The following UTRN variants were observed in gnomAD, a reference collection of about 807,000 sequenced individuals.
UTRN encodes dystrophin-related protein 1.
UTRN carries 283 observed loss-of-function variants against 463.9 expected under a neutral mutation model. That is an observed-to-expected ratio of 0.61 (90% CI 0.55 to 0.67). The LOEUF (loss-of-function observed/expected upper bound fraction) is 0.67, where lower values mean the gene tolerates loss of function less well. Ranked by LOEUF, UTRN falls within the 30% of genes least tolerant of loss-of-function variation. UTRN has a pLI of 0.00. For missense variants in UTRN, 3,922 were observed against 4,084.3 expected (o/e 0.96, Z 1.08); for synonymous variants, 1,442 against 1,431.5 (o/e 1.01, Z -0.17).
intron 2 of UTRN, among the ~76,000 whole-genome samples, chr6:144,310,078 T>C (rs1806109020): frequency 6.6e-6 from 1 of 152,240 alleles, no homozygotes; most frequent in Non-Finnish European, 1.5e-5. Flanking sequence ...CTTTTTCCAC[T>C]AGAATGCAGG....
At chr6:144,561,362 CTGTG>C (rs148436370) in intron 50 of UTRN, among the ~76,000 whole-genome samples, 1 of 149,200 alleles carries the variant, frequency 6.7e-6, no homozygotes, top group African/African-American at 2.5e-5. Context: ...ACACATATAA[CTGTG>C]TGTATAGACG....
chr6:144,781,047 G>A (rs1365170302), intron 60 of UTRN, among the ~76,000 whole-genome samples: 3 of 151,848 alleles, frequency 2.0e-5, no homozygotes, highest in African/African-American at 7.3e-5. Context: ...CCTCCTTTTA[G>A]TAAAGCCATC....
rs35217202 is a variant in UTRN at position 144,316,831 on chromosome 6, G to GTCTC, written c.79+24925_79+24926insCTCT. The stretch of plus-strand genomic sequence containing the variant: ...TGCTTGTTATTAGTTAGGACTTAGA[G>GTCTC]TAAGTTTTTTATCATATTTAAAAAA... On this transcript the variant is annotated intron_variant, in intron 2 of 74. Coordinates refer to ENST00000367545, the MANE Select transcript of UTRN (RefSeq NM_007124.3). 8.3e-3 allele frequency among the ~76,000 whole-genome samples: 1,263 copies of GTCTC among 152,280 alleles called. 73 individuals carry two copies. The East Asian group carries it at 0.16, about 19-fold the overall frequency.
At chr6:144,601,817 G>A (rs1317141135) in intron 51 of UTRN, among the ~76,000 whole-genome samples, 1 of 152,082 alleles carries the variant, frequency 6.6e-6, no homozygotes, top group Non-Finnish European at 1.5e-5. Context: ...GGAAGAATCA[G>A]TGAATGGAGC....
intron 23 of UTRN, among the ~76,000 whole-genome samples, chr6:144,464,838 T>C (rs949850652): frequency 1.3e-5 from 2 of 152,200 alleles, no homozygotes; most frequent in Non-Finnish European, 2.9e-5. Flanking sequence ...CGTTGTGTAT[T>C]ATGAGTTGCA....
At chr6:144,538,019 C>T (rs750172273) in intron 44 of UTRN, among the ~76,000 whole-genome samples, 1 of 152,008 alleles carries the variant, frequency 6.6e-6, no homozygotes, top group Non-Finnish European at 1.5e-5. Context: ...TATGAAATAT[C>T]GTTTTTTGTT....
At chr6:144,439,486 TTTTC>T (rs1554254834) in intron 12 of UTRN, among the ~76,000 whole-genome samples, 7 of 150,706 alleles carry the variant, frequency 4.6e-5, no homozygotes, top group East Asian at 1.9e-4. Flanking sequence ...TTTAAATAAA[TTTTC>T]TTTCTTTCTT....
chr6:144,763,904 A>G (rs1300646836), intron 58 of UTRN, among the ~76,000 whole-genome samples: 1 of 152,162 alleles, frequency 6.6e-6, no homozygotes, highest in Non-Finnish European at 1.5e-5. Flanking sequence ...TTTCGTGAAG[A>G]TGAGGGATGG....
At chr6:144,364,340 C>T (rs1779328240) in intron 2 of UTRN, among the ~76,000 whole-genome samples, 1 of 152,156 alleles carries the variant, frequency 6.6e-6, no homozygotes, top group Non-Finnish European at 1.5e-5. Flanking sequence ...CTTCTCCCCA[C>T]TGTCTCCCTT....
At chr6:144,824,781 G>GGT (rs1554408334) in intron 66 of UTRN, among the ~76,000 whole-genome samples, 50 of 146,210 alleles carry the variant, frequency 3.4e-4, no homozygotes, top group African/African-American at 1.3e-3. Context: ...GGTGGGGGGG[G>GGT]GTGTCCCCCC....
rs558259032 is a variant in UTRN at position 144,790,150 on chromosome 6, G to A, written c.8920+871G>A. On this transcript the variant is annotated intron_variant, in intron 62 of 74. Coordinates refer to ENST00000367545, the MANE Select transcript of UTRN (RefSeq NM_007124.3). ...ATGTTTAAGGTACCTAGAAATAGCA[G>A]TTGTTGAATAAATGGTAGCAGTTGC... Among the ~76,000 whole-genome samples, 165 of 152,308 alleles carry A rather than the reference G, an allele frequency of 1.1e-3. 1 individual carries two copies. Among genetic ancestry groups the A allele is most frequent in the African/African-American group, 3.8e-3 (156 of 41,564 alleles).
intron 2 of UTRN, among the ~76,000 whole-genome samples, chr6:144,302,595 T>C (rs1310837327): frequency 1.3e-5 from 2 of 152,324 alleles, no homozygotes; most frequent in South Asian, 2.1e-4. Flanking sequence ...CAAATGGTTA[T>C]TGTTCATTCA....
At chr6:144,587,721 T>G (rs1418818489) in intron 51 of UTRN, among the ~76,000 whole-genome samples, 1 of 152,118 alleles carries the variant, frequency 6.6e-6, no homozygotes. Flanking sequence ...CCTGAAGTGA[T>G]CCAGGGCAAT....
intron 22 of UTRN, 43 bp downstream of exon 22, chr6:144,461,385 A>G (rs200224612): frequency 7.0e-7 from 1 of 1,421,262 alleles, no homozygotes; most frequent in Non-Finnish European, 9.3e-7. Flanking sequence ...GCTTCTTCTA[A>G]TATCTCCTCT....
At chr6:144,844,547 G>A (rs1016071850) in intron 73 of UTRN, among the ~76,000 whole-genome samples, 4 of 152,090 alleles carry the variant, frequency 2.6e-5, no homozygotes, top group East Asian at 1.9e-4. Context: ...GGGATTACAC[G>A]CGTGAGCCAC....
At chr6:144,531,229 G>A (rs1366623188) in intron 42 of UTRN, 27 bp downstream of exon 42, 3 of 1,612,036 alleles carry the variant, frequency 1.9e-6, no homozygotes, top group Non-Finnish European at 1.7e-6. Flanking sequence ...AGAGGAGGGG[G>A]ACTGCACATA....
chr6:144,679,698 C>T (rs1782015513), intron 52 of UTRN, among the ~76,000 whole-genome samples: 2 of 152,126 alleles, frequency 1.3e-5, no homozygotes, highest in Admixed American at 6.6e-5. Context: ...TAAAGGGGCT[C>T]ACTGGATCTG....
At position 144,542,935 on chromosome 6, in the gene UTRN, G is replaced by A; in HGVS notation, c.6595+65G>A. ...CAGTATGTAAAATTTTGTGATATGA[G>A]CCTCATACATGAATTAGAAAGACTT... On this transcript the variant is annotated intron_variant, in intron 46 of 74. Transcript: ENST00000367545. The A allele has an allele frequency of 1.7e-5, 23 of 1,346,304 alleles. No individual in the cohort carries two copies. In the South Asian group the frequency reaches 3.0e-4, roughly 18 times the overall value. The allele number at this position is 1,346,304 out of a possible 1,614,324, so 83.4% of individuals were successfully genotyped here.
chr6:144,366,693 A>G (rs1293126884), intron 2 of UTRN, among the ~76,000 whole-genome samples: 2 of 152,186 alleles, frequency 1.3e-5, no homozygotes, highest in Non-Finnish European at 2.9e-5. Flanking sequence ...TGTTGTGAAT[A>G]GTGCTGTAGT....
Sources: gnomAD v4.1 joint callset for allele counts (sites outside exome capture counted in the v4.1 genomes callset) on GRCh38, gnomAD v4.1.1 for gene constraint, MANE v1.5 for transcripts, NCBI Gene and HGNC (gene_info 2026-07-23, HGNC 2026-07-21) for gene names.